RMDN2: variants seen among roughly 807,000 people sequenced by gnomAD.
The protein encoded by RMDN2 is regulator of microtubule dynamics protein 2.
In RMDN2, 61 loss-of-function variants were observed where a neutral mutation model predicts 52.8. The ratio of observed to expected loss-of-function variants is 1.16; its 90% CI spans 0.94 to 1.43. The LOEUF (loss-of-function observed/expected upper bound fraction) is 1.43, where lower values mean the gene tolerates loss of function less well. RMDN2 is among the 40% of genes most tolerant of loss of function. The pLI is 0.00. For missense variants in RMDN2, 592 were observed against 475.3 expected, an observed-to-expected ratio of 1.25 and a Z score of -2.28; for synonymous variants, 180 against 153.1, an observed-to-expected ratio of 1.18 and a Z score of -1.30.
intron 7 of RMDN2, among the ~76,000 whole-genome samples, chr2:37,997,040 A>G (rs552036263): frequency 7.0e-4 from 107 of 152,202 alleles, no homozygotes; most frequent in African/African-American, 2.6e-3. Context: ...GTACGAAGAG[A>G]TACACCGTAG....
At chr2:37,952,756 A>C (rs1668998889) in intron 2 of RMDN2, 1 of 153,064 alleles carries the variant, frequency 6.5e-6, no homozygotes, top group Non-Finnish European at 1.5e-5. Context: ...AAAATATTAT[A>C]GCGGAATATG....
intron 10 of RMDN2, among the ~76,000 whole-genome samples, chr2:38,040,740 G>A (rs926353150): frequency 9.9e-5 from 15 of 152,032 alleles, no homozygotes; most frequent in African/African-American, 3.6e-4. Context: ...GAATCAGAGG[G>A]GCACTATCTA....
chr2:37,963,631 G>A (rs201035351), intron 2 of RMDN2, among the ~76,000 whole-genome samples: 26,506 of 150,960 alleles, frequency 0.18, 1,933 homozygotes, highest in East Asian at 0.63. Flanking sequence ...CACAGGGTTG[G>A]GGGCAAGGTC....
chr2:37,978,199 A>T (rs1672805100), intron 4 of RMDN2, among the ~76,000 whole-genome samples: 1 of 151,990 alleles, frequency 6.6e-6, no homozygotes, highest in African/African-American at 2.4e-5. Context: ...GCGTGCCTGC[A>T]ATCGCAGGTA....
intron 8 of RMDN2, among the ~76,000 whole-genome samples, chr2:38,000,836 A>G (rs1676219283): frequency 6.6e-6 from 1 of 152,210 alleles, no homozygotes; most frequent in African/African-American, 2.4e-5. Flanking sequence ...GACATATTTT[A>G]TTTCTCTTGG....
At chr2:37,923,907 ACTC>A (rs1666104973), upstream of RMDN2, among the ~76,000 whole-genome samples, 1 of 151,994 alleles carries the variant, frequency 6.6e-6, no homozygotes, top group Non-Finnish European at 1.5e-5. Flanking sequence ...GCGCCACCAC[ACTC>A]GGCTAATTTT....
chr2:37,932,398 G>C (rs1666839830), intron 2 of RMDN2, among the ~76,000 whole-genome samples: 1 of 151,668 alleles, frequency 6.6e-6, no homozygotes, highest in African/African-American at 2.4e-5. Context: ...CAGATCAACA[G>C]GATCCCAAGG....
At chr2:37,946,407 A>G (rs1668223547) in intron 2 of RMDN2, among the ~76,000 whole-genome samples, 1 of 152,168 alleles carries the variant, frequency 6.6e-6, no homozygotes, top group Non-Finnish European at 1.5e-5. Flanking sequence ...TCTCTTCCCT[A>G]TGCTACCCCT....
chr2:38,041,765 T>G (rs2116231), intron 10 of RMDN2, among the ~76,000 whole-genome samples: 16,529 of 152,208 alleles, frequency 0.11, 2,094 homozygotes, highest in East Asian at 0.68. Context: ...AATTTTCAAA[T>G]GTAGATTAAG....
At chr2:38,038,443 C>T (rs1040382440) in intron 10 of RMDN2, among the ~76,000 whole-genome samples, 1 of 152,230 alleles carries the variant, frequency 6.6e-6, no homozygotes, top group Admixed American at 6.5e-5. Flanking sequence ...AAACTGATAC[C>T]CCGTATTGAG....
chr2:38,054,197 T>G (rs1362471535), intron 10 of RMDN2, among the ~76,000 whole-genome samples: 1 of 152,232 alleles, frequency 6.6e-6, no homozygotes, highest in Non-Finnish European at 1.5e-5. Flanking sequence ...TTATGCGTAT[T>G]ATTCCCAAAA....
rs753369400 is a variant in RMDN2 at position 37,951,499 on chromosome 2, G to A, written c.452+21770G>A. ...AATGCTTCCCCTTACTGGCAACAAAGTAGAGCTAACTTTGATTCTGAAGAA... is the reference window on the plus strand; with the variant it reads ...AATGCTTCCCCTTACTGGCAACAAAATAGAGCTAACTTTGATTCTGAAGAA... On this transcript the variant is annotated intron_variant, in intron 2 of 10. Coordinates refer to ENST00000354545, the MANE Select transcript of RMDN2 (RefSeq NM_001170791.3). 9 of 1,611,960 alleles carry A rather than the reference G, an allele frequency of 5.6e-6. No homozygotes were observed. In the Middle Eastern group the frequency reaches 4.9e-4, roughly 88 times the overall value.
At chr2:37,981,151 TAAAC>T in intron 4 of RMDN2, 128 bp from the exon 5 acceptor site, 2 of 682,774 alleles carry the variant, frequency 2.9e-6, no homozygotes, top group East Asian at 2.7e-5. Context: ...GAAAAGTTCT[TAAAC>T]AAAGTTGCCA....
chr2:37,957,370 T>C (rs537408428), intron 2 of RMDN2, among the ~76,000 whole-genome samples: 163 of 152,362 alleles, frequency 1.1e-3, no homozygotes, highest in African/African-American at 3.7e-3. Context: ...AGATGGTATC[T>C]CATTGTGGTT....
At chr2:37,952,607 A>G (rs2124971467) in intron 2 of RMDN2, 1 of 247,866 alleles carries the variant, frequency 4.0e-6, no homozygotes, top group Admixed American at 5.2e-5. Flanking sequence ...TAGAAATAGT[A>G]TTCTTACATA....
chr2:37,926,996 C>T (rs963558513), intron 1 of RMDN2, among the ~76,000 whole-genome samples: 1 of 151,930 alleles, frequency 6.6e-6, no homozygotes, highest in African/African-American at 2.4e-5. Context: ...CAAGCAAGTA[C>T]TCTGATGTAT....
chr2:38,005,115 T>G (rs1182218006), intron 10 of RMDN2, among the ~76,000 whole-genome samples: 1 of 152,226 alleles, frequency 6.6e-6, no homozygotes, highest in African/African-American at 2.4e-5. Flanking sequence ...ACATTTGGGT[T>G]GGTTCCAAGT....
At chr2:37,924,582 G>A (rs1208666897), upstream of RMDN2, among the ~76,000 whole-genome samples, 3 of 151,874 alleles carry the variant, frequency 2.0e-5, no homozygotes, top group Admixed American at 2.0e-4. Context: ...GGCCATACTG[G>A]TCTCGAATTC....
At chr2:37,977,601 C>G (rs1483574617) in intron 4 of RMDN2, among the ~76,000 whole-genome samples, 2 of 151,648 alleles carry the variant, frequency 1.3e-5, no homozygotes, top group East Asian at 3.9e-4. Flanking sequence ...CCTCACTTCT[C>G]AGACCGGGCG....
Sources: gnomAD v4.1 joint callset for allele counts (sites outside exome capture counted in the v4.1 genomes callset) on GRCh38, gnomAD v4.1.1 for gene constraint, MANE v1.5 for transcripts, NCBI Gene and HGNC (gene_info 2026-07-23, HGNC 2026-07-21) for gene names.